MAP3K5: variants seen among roughly 807,000 people sequenced by gnomAD.
MAP3K5 encodes ASK-1.
A neutral mutation model predicts 158.7 loss-of-function variants in MAP3K5; 56 were observed. The observed-to-expected ratio is 0.35, with a 90% confidence interval of 0.28 to 0.44. The LOEUF (loss-of-function observed/expected upper bound fraction) is 0.44. Ranked by LOEUF, MAP3K5 falls within the 20% of genes least tolerant of loss-of-function variation. The pLI is 1.00. For missense variants in MAP3K5, 1,294 were observed against 1,674.8 expected, an observed-to-expected ratio of 0.77 and a Z score of 3.97; for synonymous variants, 579 against 601.7, an observed-to-expected ratio of 0.96 and a Z score of 0.55.
chr6:136,558,710 T>C, intron 29 of MAP3K5, 90 bp downstream of exon 29: 3 of 819,996 alleles, frequency 3.7e-6, no homozygotes, highest in Non-Finnish European at 4.2e-6. Flanking sequence ...ACTACAAAGC[T>C]AATTAGAGAC....
chr6:136,778,538 C>T (rs1784484785), intron 1 of MAP3K5, among the ~76,000 whole-genome samples: 1 of 152,060 alleles, frequency 6.6e-6, no homozygotes, highest in East Asian at 1.9e-4. Flanking sequence ...GAAATCACAC[C>T]TTTTTAACCT....
chr6:136,749,877 C>T (rs1412842842), intron 1 of MAP3K5, among the ~76,000 whole-genome samples: 2 of 152,130 alleles, frequency 1.3e-5, no homozygotes, highest in Non-Finnish European at 2.9e-5. Flanking sequence ...CTCATCCACC[C>T]AGTATTTAAT....
In MAP3K5 at chr6:136,622,829, G is replaced by A. The variant is rs1039012107; in HGVS notation, c.2150+19C>T. The A allele has an allele frequency of 1.9e-6, 3 of 1,592,256 alleles. No individual in the cohort carries two copies. The highest frequency in any genetic ancestry group is 2.6e-6 in the Non-Finnish European group (3 of 1,165,666). Reference sequence around the variant, plus strand: ...CCAAAGTACTACAGAACAGCTTTTAGTAGCTACAATTACTGTACCTGCTGT... The same window carrying A: ...CCAAAGTACTACAGAACAGCTTTTAATAGCTACAATTACTGTACCTGCTGT... On this transcript the variant is annotated intron_variant, in intron 15 of 29. Transcript: ENST00000359015.
At position 136,704,213 on chromosome 6, in the gene MAP3K5, T is replaced by A. The variant is rs1460907235; in HGVS notation, c.612+897A>T. Among the ~76,000 whole-genome samples, 4 of 152,212 alleles carry A rather than the reference T, an allele frequency of 2.6e-5. No individual in the cohort carries two copies. In the East Asian group the frequency reaches 5.8e-4, roughly 22 times the overall value. ...ATAGATAAAGATATCTATATATCAG[T>A]GTATATGTAATTATACTATATTGAG... On this transcript the variant is annotated intron_variant, in intron 3 of 29. Transcript: ENST00000359015.
chr6:136,686,783 C>T (rs1780168584), intron 7 of MAP3K5, among the ~76,000 whole-genome samples: 1 of 152,100 alleles, frequency 6.6e-6, no homozygotes, highest in African/African-American at 2.4e-5. Context: ...AGGGCACAAA[C>T]AAATGGAAAA....
intron 15 of MAP3K5, among the ~76,000 whole-genome samples, chr6:136,619,723 G>C (rs1364627018): frequency 6.6e-6 from 1 of 152,204 alleles, no homozygotes; most frequent in African/African-American, 2.4e-5. Context: ...GACTAGAAGG[G>C]AGTCCCAGCG....
intron 23 of MAP3K5, among the ~76,000 whole-genome samples, chr6:136,589,689 C>T (rs948922204): frequency 7.2e-5 from 11 of 151,950 alleles, no homozygotes; most frequent in African/African-American, 9.7e-5. Flanking sequence ...TTCTGGTGTC[C>T]GTATCAGAAG....
At chr6:136,600,569 C>T (rs185847730) in intron 21 of MAP3K5, among the ~76,000 whole-genome samples, 67 of 152,184 alleles carry the variant, frequency 4.4e-4, no homozygotes, top group Non-Finnish European at 9.0e-4. Flanking sequence ...CTCTACCTTC[C>T]TAGTTATGAT....
At position 136,669,291 on chromosome 6, in the gene MAP3K5, C is replaced by A. The variant is rs1172945444; in HGVS notation, c.1358G>T (p.Arg453Leu). The change falls in exon 8 of 30, where the codon CGG (arginine) becomes CTG (leucine). Residue 453 changes from arginine (R) to leucine (L), a missense_variant. By Grantham distance (102) the Arg-to-Leu change is moderately radical. Around this residue, in one of 5 missense-constraint regions of MAP3K5, gnomAD observed 690 missense variants for 870.5 expected, o/e 0.79. Transcript: ENST00000359015. ...GHQFESSFEL[R>L]KVGVKLSSLL... ...TATCAAGTTGTAATTACCAACTTTC[C>A]GGAGCTCAAAGGAAGATTCAAACTG... is the stretch of plus-strand genomic sequence containing the variant. 6.2e-7 allele frequency: 1 copy of A among 1,610,566 alleles called. No individual in the cohort carries two copies.
At chr6:136,791,661 T>G (rs368757106) in intron 1 of MAP3K5, 49 bp downstream of exon 1, 8 of 1,589,492 alleles carry the variant, frequency 5.0e-6, no homozygotes, top group Non-Finnish European at 4.3e-6. Context: ...ACCGCCAGAT[T>G]AAACGCGGGT....
intron 1 of MAP3K5, among the ~76,000 whole-genome samples, chr6:136,768,933 A>G (rs1784068231): frequency 6.6e-6 from 1 of 152,126 alleles, no homozygotes. Flanking sequence ...AAAAAAAGAA[A>G]GAAAATGGCT....
intron 1 of MAP3K5, among the ~76,000 whole-genome samples, chr6:136,768,942 C>T (rs1562690249): frequency 6.6e-6 from 1 of 151,768 alleles, no homozygotes; most frequent in Non-Finnish European, 1.5e-5. Context: ...AAGAAAATGG[C>T]TTGGTGATTC....
At chr6:136,711,844 C>T (rs968979325) in intron 2 of MAP3K5, among the ~76,000 whole-genome samples, 13 of 152,044 alleles carry the variant, frequency 8.6e-5, no homozygotes, top group Admixed American at 2.6e-4. Context: ...TATTAATAAA[C>T]CAAAGCAAAC....
Position 136,685,231 on chromosome 6 carries a change from T to C in MAP3K5, c.1253+8909A>G, listed in dbSNP as rs113092868. 9.7e-3 allele frequency among the ~76,000 whole-genome samples: 1,481 copies of C among 152,034 alleles called. 21 individuals carry two copies. Among genetic ancestry groups the C allele is most frequent in the African/African-American group, 0.032 (1,330 of 41,466 alleles). On this transcript the variant is annotated intron_variant, in intron 7 of 29. Transcript: ENST00000359015. ...TACTCAGCAGGCTGAGACAGGAGGA[T>C]TGCTTGAACCCAGGAGTTCAAGGCT...
At chr6:136,658,407 T>C (rs948468098) in intron 9 of MAP3K5, among the ~76,000 whole-genome samples, 2 of 145,612 alleles carry the variant, frequency 1.4e-5, no homozygotes, top group Admixed American at 7.1e-5. Context: ...CTCCGCCTCC[T>C]GGGTTCAAGT....
chr6:136,680,899 G>A (rs1394177468), intron 7 of MAP3K5, among the ~76,000 whole-genome samples: 2 of 152,146 alleles, frequency 1.3e-5, no homozygotes, highest in Non-Finnish European at 2.9e-5. Context: ...GAAGGGGCGG[G>A]GCTGGGGGTG....
At chr6:136,645,024 G>A (rs540020750) in intron 11 of MAP3K5, among the ~76,000 whole-genome samples, 1 of 152,060 alleles carries the variant, frequency 6.6e-6, no homozygotes, top group Admixed American at 6.6e-5. Context: ...GATCTCCTAG[G>A]CTCAAGCAAT....
intron 1 of MAP3K5, among the ~76,000 whole-genome samples, chr6:136,754,277 A>G (rs1056303968): frequency 2.0e-5 from 3 of 151,684 alleles, no homozygotes; most frequent in South Asian, 2.1e-4. Flanking sequence ...GATAAAAAAA[A>G]AAAAGAAAAG....
chr6:136,783,562 T>C (rs1160552301), intron 1 of MAP3K5, among the ~76,000 whole-genome samples: 3 of 152,200 alleles, frequency 2.0e-5, no homozygotes, highest in Non-Finnish European at 4.4e-5. Flanking sequence ...TGTGGGTTCC[T>C]GCAACACTGC....
Sources: gnomAD v4.1 joint callset for allele counts (sites outside exome capture counted in the v4.1 genomes callset) on GRCh38, gnomAD v4.1.1 for gene constraint, gnomAD v4.1.1 regional missense constraint, MANE v1.5 for transcripts, NCBI Gene and HGNC (gene_info 2026-07-23, HGNC 2026-07-21) for gene names.